SEM1: variants seen among roughly 807,000 people sequenced by gnomAD.
SEM1 encodes the protein 26S proteasome complex subunit SEM1.
SEM1 carries 3 observed loss-of-function variants against 12.7 expected under a neutral mutation model. The observed-to-expected ratio is 0.24, with a 90% CI of 0.11 to 0.61. The LOEUF (loss-of-function observed/expected upper bound fraction) is 0.61, where lower values mean the gene tolerates loss of function less well. SEM1 is among the 20% of genes least tolerant of loss of function. The pLI is 0.88. For missense variants in SEM1, 59 were observed against 81.3 expected (o/e 0.73, Z 1.06); for synonymous variants, 30 against 27.8 (o/e 1.08, Z -0.25).
At chr7:96,568,581 T>C (rs1805923487) in intron 2 of SEM1, among the ~76,000 whole-genome samples, 2 of 151,800 alleles carry the variant, frequency 1.3e-5, no homozygotes, top group Non-Finnish European at 3.0e-5. Context: ...TTTGACAGTT[T>C]TTCTTTGAAA....
At chr7:96,595,357 T>C (rs377269245) in intron 2 of SEM1, among the ~76,000 whole-genome samples, 10 of 151,786 alleles carry the variant, frequency 6.6e-5, no homozygotes, top group African/African-American at 2.4e-4. Context: ...TACAAAAACT[T>C]AAAAAACTGT....
intron 2 of SEM1, among the ~76,000 whole-genome samples, chr7:96,547,725 G>C (rs1303775157): frequency 6.6e-6 from 1 of 152,084 alleles, no homozygotes; most frequent in East Asian, 1.9e-4. Flanking sequence ...AGCTTGTTGT[G>C]GTTCTGCTGA....
At chr7:96,483,755 G>T in exon 4 of SEM1, 4 of 1,414,290 alleles carry the variant, frequency 2.8e-6, no homozygotes, top group Non-Finnish European at 3.9e-6. Context: ...GTTCTACCAT[G>T]TGCCTTGAAG....
At chr7:96,644,578 G>T (rs1476702997) in intron 2 of SEM1, among the ~76,000 whole-genome samples, 1 of 152,050 alleles carries the variant, frequency 6.6e-6, no homozygotes, top group African/African-American at 2.4e-5. Flanking sequence ...GAACAGCCCG[G>T]GCTCTGTTCC....
intron 2 of SEM1, among the ~76,000 whole-genome samples, chr7:96,525,694 G>A (rs563630507): frequency 6.6e-6 from 1 of 152,230 alleles, no homozygotes; most frequent in East Asian, 1.9e-4. Flanking sequence ...CTGGAATTGG[G>A]CTGCATAACA....
Position 96,593,912 on chromosome 7 carries a change from G to GT in SEM1, c.171-87215dup, listed in dbSNP as rs538448382. Among the ~76,000 whole-genome samples, 106 of 141,516 alleles carry GT rather than the reference G, an allele frequency of 7.5e-4. No individual in the cohort carries two copies. The South Asian group carries it at 0.017, about 22-fold the overall frequency. The allele number at this position is 141,516 out of a possible 152,430, so 92.8% of individuals were successfully genotyped here. ...ACTATGTAGATAAAAAGTTGGGTTT[G>GT]TTTTTTTTTTAATAAGCAAAACTGG... On this transcript the variant is annotated intron_variant and NMD_transcript_variant, in intron 2 of 3. Coordinates refer to the SEM1 transcript ENST00000466986.
chr7:96,665,095 C>A (rs1789134442), intron 2 of SEM1, among the ~76,000 whole-genome samples: 1 of 152,126 alleles, frequency 6.6e-6, no homozygotes, highest in South Asian at 2.1e-4. Context: ...TCAGGGCTCC[C>A]ATAGGCACTG....
chr7:96,607,474 T>C (rs1013774769), intron 2 of SEM1, among the ~76,000 whole-genome samples: 3 of 152,254 alleles, frequency 2.0e-5, no homozygotes, highest in Non-Finnish European at 2.9e-5. Flanking sequence ...GAAATGTTTA[T>C]GGTAAAATTA....
intron 2 of SEM1, among the ~76,000 whole-genome samples, chr7:96,674,374 C>T (rs1789399835): frequency 6.6e-6 from 1 of 152,066 alleles, no homozygotes; most frequent in African/African-American, 2.4e-5. Flanking sequence ...AGTATACAGG[C>T]TGGGTGCGGT....
downstream of SEM1, chr7:96,688,085 A>G (rs1480408098): frequency 6.6e-6 from 1 of 152,194 alleles, no homozygotes; most frequent in African/African-American, 2.4e-5. Context: ...CAACATTTAC[A>G]TTTGAAAATA....
intron 2 of SEM1, among the ~76,000 whole-genome samples, chr7:96,590,486 A>G (rs940422641): frequency 6.6e-6 from 1 of 152,262 alleles, no homozygotes; most frequent in African/African-American, 2.4e-5. Flanking sequence ...CCAGTTATAT[A>G]TACAGACTAT....
At chr7:96,547,399 G>T (rs1447266653) in intron 2 of SEM1, among the ~76,000 whole-genome samples, 1 of 152,160 alleles carries the variant, frequency 6.6e-6, no homozygotes, top group African/African-American at 2.4e-5. Flanking sequence ...ATTGTGGTCA[G>T]TTTAGTCCCA....
intron 2 of SEM1, among the ~76,000 whole-genome samples, chr7:96,580,342 G>A (rs1378898680): frequency 6.7e-6 from 1 of 148,376 alleles, no homozygotes; most frequent in Non-Finnish European, 1.5e-5. Context: ...GTGTATATGT[G>A]CCACATTTTC....
At chr7:96,660,347 A>G (rs998393380) in intron 2 of SEM1, among the ~76,000 whole-genome samples, 1 of 152,168 alleles carries the variant, frequency 6.6e-6, no homozygotes, top group African/African-American at 2.4e-5. Context: ...ATCCTTTCTC[A>G]TAGTGAGAGA....
At chr7:96,648,338 T>C (rs1808868177) in intron 2 of SEM1, among the ~76,000 whole-genome samples, 1 of 152,088 alleles carries the variant, frequency 6.6e-6, no homozygotes, top group Non-Finnish European at 1.5e-5. Flanking sequence ...ACATAATACA[T>C]ACCAGAAATT....
chr7:96,614,359 T>TA (rs1332099005), intron 2 of SEM1, among the ~76,000 whole-genome samples: 1 of 152,202 alleles, frequency 6.6e-6, no homozygotes, highest in African/African-American at 2.4e-5. Context: ...GGTTTTGGTC[T>TA]TTGGTCTCAC....
At chr7:96,507,722 C>T (rs1803801800) in intron 2 of SEM1, among the ~76,000 whole-genome samples, 2 of 152,076 alleles carry the variant, frequency 1.3e-5, no homozygotes, top group Admixed American at 1.3e-4. Flanking sequence ...AGAGTGTCCC[C>T]ATGGATGTGA....
intron 2 of SEM1, among the ~76,000 whole-genome samples, chr7:96,546,332 C>T (rs756897219): frequency 7.9e-5 from 12 of 152,074 alleles, no homozygotes; most frequent in Non-Finnish European, 1.2e-4. Context: ...AGTTCCTCAT[C>T]TTGAACTGAA....
At chr7:96,664,156 T>C (rs974292216) in intron 2 of SEM1, 2 of 152,186 alleles carry the variant, frequency 1.3e-5, no homozygotes, top group African/African-American at 4.8e-5. Context: ...CCATAACAAA[T>C]TACCACAAAC....
Sources: gnomAD v4.1 joint callset for allele counts (sites outside exome capture counted in the v4.1 genomes callset) on GRCh38, gnomAD v4.1.1 for gene constraint, MANE v1.5 for transcripts, NCBI Gene and HGNC (gene_info 2026-07-23, HGNC 2026-07-21) for gene names.